STMN1: variants seen among roughly 807,000 people sequenced by gnomAD.
The protein encoded by STMN1 is stathmin 1.
STMN1 carries 3 observed loss-of-function variants against 19.7 expected under a neutral mutation model. The ratio of observed to expected loss-of-function variants is 0.15; its 90% CI spans 0.07 to 0.39. The LOEUF is 0.39. Among genes scored for constraint, STMN1 ranks in the 10% least tolerant of loss-of-function variants. The probability of loss-of-function intolerance (pLI) is 1.00; values close to 1 mark genes in which losing one functional copy is unlikely to be tolerated. For missense variants in STMN1, 99 were observed against 176.0 expected (o/e 0.56, Z 2.48); for synonymous variants, 59 against 58.9 (o/e 1.00, Z -0.01).
At chr1:25,895,158 G>A (rs915538504), downstream of STMN1, among the ~76,000 whole-genome samples, 2 of 146,020 alleles carry the variant, frequency 1.4e-5, no homozygotes, top group Admixed American at 1.4e-4. Flanking sequence ...ACTGGAGTGC[G>A]GTGGCGTGAT....
Position 25,901,077 on chromosome 1 carries a change from A to G in STMN1, c.389T>C (p.Ile130Thr). Residue 130 changes from isoleucine (I) to threonine (T), a missense_variant, in exon 5 of 5, where the codon ATT (isoleucine) becomes ACT (threonine). By Grantham distance (89) the Ile-to-Thr change is moderately conservative. Coordinates refer to ENST00000455785, the MANE Select transcript of STMN1 (RefSeq NM_005563.4). ...LERLREKDKH[I>T]EEVRKNKESK... Reference sequence around the variant, plus strand: ...TTCTTTGTTCTTCCGCACTTCTTCAATGTGCTTATCCTGTAAAGGAAGGGT... The same window carrying G: ...TTCTTTGTTCTTCCGCACTTCTTCAGTGTGCTTATCCTGTAAAGGAAGGGT... The G allele has an allele frequency of 6.3e-7, 1 of 1,599,740 alleles. No individual in the cohort carries two copies. The highest frequency in any genetic ancestry group is 8.5e-7 in the Non-Finnish European group (1 of 1,172,332).
chr1:25,890,069 T>G (rs893176895), intron 4 of STMN1, among the ~76,000 whole-genome samples: 2 of 152,176 alleles, frequency 1.3e-5, no homozygotes, highest in South Asian at 4.1e-4. Flanking sequence ...GCCTTGTCCA[T>G]CGCTGTATCC....
At chr1:25,898,162 G>T (rs1018352642), downstream of STMN1, among the ~76,000 whole-genome samples, 1 of 152,248 alleles carries the variant, frequency 6.6e-6, no homozygotes, top group Non-Finnish European at 1.5e-5. Context: ...ATAAAAAAAT[G>T]GGGAGGGGGC....
At chr1:25,892,468 A>G (rs2048784413) in intron 4 of STMN1, 2 of 900,478 alleles carry the variant, frequency 2.2e-6, no homozygotes, top group African/African-American at 3.7e-5. Flanking sequence ...CATCACTACT[A>G]CATCACTAAC....
chr1:25,887,484 C>T (rs1048179160), intron 4 of STMN1: 2 of 356,988 alleles, frequency 5.6e-6, no homozygotes, highest in East Asian at 8.9e-5. Context: ...CATGAACATG[C>T]AGCTTGCAAA....
Position 25,900,279 on chromosome 1 carries a change from GCTTTTAATCTGC to G in STMN1, c.*725_*736del. ...AACTGTTCTCTAGAAACACGCTTGTGCTTTTAATCTGCCTTTTAAAAGGGACACAGAACAAAA... is the reference window on the plus strand; with the variant it reads ...AACTGTTCTCTAGAAACACGCTTGTGCTTTTAAAAGGGACACAGAACAAAA... On this transcript the variant is annotated 3_prime_UTR_variant, in exon 5 of 5. Transcript: ENST00000455785. The G allele has an allele frequency of 1.0e-6, 1 of 985,844 alleles. No individual in the cohort carries two copies. Among genetic ancestry groups the G allele is most frequent in the South Asian group, 4.7e-5 (1 of 21,284 alleles). 61.1% of individuals were successfully genotyped at this position (985,844 alleles called of 1,614,324 possible). A position where few individuals can be genotyped will look rare whatever the true frequency, so the allele number is the denominator to read the frequency against.
intron 4 of STMN1, among the ~76,000 whole-genome samples, chr1:25,894,048 CCTAT>C (rs748454393): frequency 6.6e-6 from 1 of 152,128 alleles, no homozygotes; most frequent in Non-Finnish European, 1.5e-5. Context: ...CTGAGGAGCC[CCTAT>C]CTGTGTCCCA....
downstream of STMN1, among the ~76,000 whole-genome samples, chr1:25,895,486 T>C (rs574421491): frequency 3.9e-5 from 6 of 152,270 alleles, no homozygotes; most frequent in South Asian, 8.3e-4. Context: ...GGACTGCAAA[T>C]GCTGGGCCTC....
At chr1:25,895,047 G>A (rs1329179685) in intron 4 of STMN1, among the ~76,000 whole-genome samples, 1 of 151,776 alleles carries the variant, frequency 6.6e-6, no homozygotes, top group African/African-American at 2.4e-5. Context: ...AAGGAGACAC[G>A]GGAGACAGCT....
At chr1:25,885,619 C>T (rs2048714482) in exon 5 of STMN1, 7 of 1,404,136 alleles carry the variant, frequency 5.0e-6, no homozygotes, top group Middle Eastern at 1.8e-4. Flanking sequence ...GTCTGCCTGA[C>T]CCCAAAGGCT....
At chr1:25,886,643 C>T (rs761687124) in intron 4 of STMN1, among the ~76,000 whole-genome samples, 1 of 141,110 alleles carries the variant, frequency 7.1e-6, no homozygotes, top group Non-Finnish European at 1.5e-5. Context: ...GGCTGGAATG[C>T]AGTCGTGTGA....
chr1:25,888,969 C>T, intron 4 of STMN1: 1 of 462,542 alleles, frequency 2.2e-6, no homozygotes, highest in East Asian at 6.5e-5. Flanking sequence ...CGCTTCTTGC[C>T]ATGTCTTCTC....
Position 25,903,822 on chromosome 1 carries a change from G to C in STMN1, c.14-9C>G. ...TTCTTTCACCTGGATATCTAGAATT[G>C]ATTATATTTATAATTCAGAAAACCA... On this transcript the variant is annotated splice_polypyrimidine_tract_variant and intron_variant, in intron 2 of 4. Transcript: ENST00000455785. 6.3e-7 allele frequency: 1 copy of C among 1,585,520 alleles called. No homozygotes were observed. The highest frequency in any genetic ancestry group is 8.5e-7 in the Non-Finnish European group (1 of 1,170,760).
intron 4 of STMN1, among the ~76,000 whole-genome samples, chr1:25,886,995 C>A (rs2048727581): frequency 6.6e-6 from 1 of 152,122 alleles, no homozygotes; most frequent in Non-Finnish European, 1.5e-5. Flanking sequence ...CCTGTTCTGA[C>A]TTGGATGCCC....
At chr1:25,906,663 AG>A, upstream of STMN1, 2 of 152,616 alleles carry the variant, frequency 1.3e-5, no homozygotes, top group Non-Finnish European at 2.9e-5. This position sits in a 1 kb window ranked among gnomAD's most constrained non-coding sequence, Gnocchi z 4.5. Flanking sequence ...GCCTGGGACT[AG>A]GGGGGTGGTC....
chr1:25,885,925 G>C (rs902088949), intron 4 of STMN1: 16 of 1,489,050 alleles, frequency 1.1e-5, no homozygotes, highest in African/African-American at 4.2e-5. Flanking sequence ...CAAGGGACAG[G>C]AGGTGGAGGG....
At position 25,900,460 on chromosome 1, in the gene STMN1, C is replaced by T. The variant is rs371519517; in HGVS notation, c.*556G>A. ...GGCAGAGAACGTGCGGTCATTTGTG[C>T]GTTGGGTATTTCTACCAGCCCCAAA... On this transcript the variant is annotated 3_prime_UTR_variant, in exon 5 of 5. Coordinates refer to ENST00000455785, the MANE Select transcript of STMN1 (RefSeq NM_005563.4). 7.1e-6 allele frequency: 7 copies of T among 985,698 alleles called. No individual in the cohort carries two copies. The highest frequency in any genetic ancestry group is 7.0e-5 in the African/African-American group (4 of 57,214). 61.1% of individuals were successfully genotyped at this position (985,698 alleles called of 1,614,324 possible).
At chr1:25,888,119 TTTC>T (rs1167723634) in intron 4 of STMN1, among the ~76,000 whole-genome samples, 1 of 152,170 alleles carries the variant, frequency 6.6e-6, no homozygotes, top group South Asian at 2.1e-4. Context: ...CTAGAGCTGC[TTTC>T]TTAACCTTCC....
In STMN1 at chr1:25,901,032, T is replaced by C. The variant is rs1050314516; in HGVS notation, c.434A>G (p.Glu145Gly). The part of the protein sequence containing the change: ...KNKESKDPAD[E>G]TEAD ...CAGAACAAATTAGTCAGCTTCAGTC[T>C]CGTCAGCAGGGTCTTTGGATTCTTT... is the stretch of plus-strand genomic sequence containing the variant. The change falls in exon 5 of 5, where the codon GAG becomes GGG. Residue 145 changes from glutamate (E) to glycine (G), a missense_variant. Around this residue, in one of 3 missense-constraint regions of STMN1, gnomAD observed 54 missense variants for 79.4 expected, o/e 0.68. Transcript: ENST00000455785. 1 of 1,612,996 alleles carries C rather than the reference T, an allele frequency of 6.2e-7. No homozygotes were observed. Among genetic ancestry groups the C allele is most frequent in the Admixed American group, 1.7e-5 (1 of 59,846 alleles).
Sources: gnomAD v4.1 joint callset for allele counts (sites outside exome capture counted in the v4.1 genomes callset) on GRCh38, gnomAD v4.1.1 for gene constraint, gnomAD v4.1.1 regional missense constraint, Gnocchi (gnomAD v3.1) non-coding constraint, MANE v1.5 for transcripts, NCBI Gene and HGNC (gene_info 2026-07-23, HGNC 2026-07-21) for gene names.